CSMD1: variants seen among roughly 807,000 people sequenced by gnomAD.
The protein encoded by CSMD1 is CUB and sushi domain-containing protein 1.
In CSMD1, 213 loss-of-function variants were observed where a neutral mutation model predicts 417.5. That is an observed-to-expected ratio of 0.51 (90% CI 0.46 to 0.57). The LOEUF is 0.57. Ranked by LOEUF, CSMD1 falls within the 20% of genes least tolerant of loss-of-function variation. The pLI is 0.00. For missense variants in CSMD1, 6,923 were observed against 4,529.7 expected (o/e 1.53, Z -15.17); for synonymous variants, 2,862 against 1,736.8 (o/e 1.65, Z -16.11).
chr8:3,944,557 A>T (rs1811098498), intron 5 of CSMD1, among the ~76,000 whole-genome samples: 1 of 152,158 alleles, frequency 6.6e-6, no homozygotes, highest in Non-Finnish European at 1.5e-5. Context: ...AAGGAAATTT[A>T]AATTGTCTAC....
intron 21 of CSMD1, among the ~76,000 whole-genome samples, chr8:3,356,186 C>CT (rs1393228719): frequency 2.0e-5 from 3 of 152,172 alleles, no homozygotes; most frequent in Non-Finnish European, 4.4e-5. Flanking sequence ...GGATTTGCCT[C>CT]TTTTTTGCCA....
At chr8:3,377,855 T>C (rs996718740) in intron 18 of CSMD1, among the ~76,000 whole-genome samples, 1 of 152,194 alleles carries the variant, frequency 6.6e-6, no homozygotes, top group Non-Finnish European at 1.5e-5. Flanking sequence ...GTAAAATGTA[T>C]TAGTCTAAGA....
intron 5 of CSMD1, among the ~76,000 whole-genome samples, chr8:3,776,769 T>C (rs371048782): frequency 1.6e-5 from 2 of 127,696 alleles, no homozygotes; most frequent in East Asian, 2.4e-4. Flanking sequence ...GATACAGAGA[T>C]GATAGATGAG....
intron 49 of CSMD1, among the ~76,000 whole-genome samples, chr8:3,056,072 T>A (rs776033801): frequency 8.5e-5 from 13 of 152,240 alleles, no homozygotes; most frequent in Non-Finnish European, 1.6e-4. Context: ...CATACACACA[T>A]AAAATTTTTA....
chr8:4,670,909 A>C (rs1041805144), intron 1 of CSMD1, among the ~76,000 whole-genome samples: 4 of 152,324 alleles, frequency 2.6e-5, no homozygotes, highest in Non-Finnish European at 5.9e-5. Flanking sequence ...TTTTAGTGAC[A>C]AGGATAGCTT....
intron 5 of CSMD1, among the ~76,000 whole-genome samples, chr8:3,787,589 T>C (rs1041360461): frequency 6.6e-6 from 1 of 152,188 alleles, no homozygotes; most frequent in African/African-American, 2.4e-5. Flanking sequence ...TAATTAAAGA[T>C]GTAGTTGCTA....
At chr8:4,144,917 G>A (rs1219848058) in intron 3 of CSMD1, among the ~76,000 whole-genome samples, 2 of 151,070 alleles carry the variant, frequency 1.3e-5, no homozygotes, top group African/African-American at 2.5e-5. Flanking sequence ...CTATCAGTGA[G>A]TGGAGTGAAG....
intron 2 of CSMD1, among the ~76,000 whole-genome samples, chr8:4,520,284 C>T (rs972124740): frequency 3.3e-5 from 5 of 152,160 alleles, no homozygotes; most frequent in Non-Finnish European, 7.3e-5. Context: ...TAATACTCCC[C>T]AAACTTCAGT....
chr8:3,139,717 G>A (rs1024968989), intron 41 of CSMD1, among the ~76,000 whole-genome samples: 1 of 152,054 alleles, frequency 6.6e-6, no homozygotes, highest in Non-Finnish European at 1.5e-5. Flanking sequence ...ATGTGTGTGT[G>A]TCGATGTGTG....
intron 12 of CSMD1, 69 bp downstream of exon 12, chr8:3,468,643 A>G (rs949355423): frequency 1.5e-5 from 14 of 949,282 alleles, no homozygotes; most frequent in Non-Finnish European, 2.1e-5. Context: ...TACCTAACCA[A>G]CACAGAATGC....
chr8:4,696,616 A>G (rs1375910975), intron 1 of CSMD1, among the ~76,000 whole-genome samples: 2 of 152,222 alleles, frequency 1.3e-5, no homozygotes, highest in Admixed American at 1.3e-4. Context: ...TTTATTATCC[A>G]AACAACGTAT....
chr8:4,083,367 G>A (rs922518838), intron 3 of CSMD1, among the ~76,000 whole-genome samples: 1 of 152,170 alleles, frequency 6.6e-6, no homozygotes, highest in African/African-American at 2.4e-5. Flanking sequence ...GATGGCCAGT[G>A]ATGGTGAGCA....
At chr8:4,518,387 T>TA (rs1325603183) in intron 2 of CSMD1, among the ~76,000 whole-genome samples, 2 of 152,274 alleles carry the variant, frequency 1.3e-5, no homozygotes, top group East Asian at 3.9e-4. Context: ...GACTTCATAA[T>TA]AAAAAACTAT....
At chr8:3,674,778 A>C (rs965893917) in intron 7 of CSMD1, among the ~76,000 whole-genome samples, 1 of 152,194 alleles carries the variant, frequency 6.6e-6, no homozygotes, top group Non-Finnish European at 1.5e-5. Flanking sequence ...AAAGGTAACT[A>C]TAGTTTTCAA....
intron 3 of CSMD1, among the ~76,000 whole-genome samples, chr8:4,406,728 C>A (rs984515063): frequency 6.6e-6 from 1 of 152,066 alleles, no homozygotes; most frequent in African/African-American, 2.4e-5. Flanking sequence ...CCAAATGATA[C>A]CAGAGAATGT....
At chr8:4,612,982 C>A (rs1801266686) in intron 2 of CSMD1, among the ~76,000 whole-genome samples, 1 of 152,072 alleles carries the variant, frequency 6.6e-6, no homozygotes, top group Non-Finnish European at 1.5e-5. Flanking sequence ...ACAGTCCCTG[C>A]AAAACTGATC....
chr8:2,943,830 G>A (rs1039440191), intron 68 of CSMD1, among the ~76,000 whole-genome samples: 1 of 152,206 alleles, frequency 6.6e-6, no homozygotes, highest in Non-Finnish European at 1.5e-5. Flanking sequence ...GAATTGTTGA[G>A]AAGAAGCTCA....
intron 39 of CSMD1, among the ~76,000 whole-genome samples, chr8:3,152,347 A>C (rs1033332806): frequency 6.6e-6 from 1 of 152,218 alleles, no homozygotes; most frequent in Non-Finnish European, 1.5e-5. Context: ...CTATTAAAAT[A>C]ATTTCTTATA....
chr8:4,707,661 C>A (rs950760571), intron 1 of CSMD1, among the ~76,000 whole-genome samples: 21 of 151,748 alleles, frequency 1.4e-4, no homozygotes, highest in African/African-American at 4.8e-4. Flanking sequence ...CCGAGGCGGG[C>A]GGATCACCTG....
Sources: allele counts gnomAD v4.1 joint callset (sites outside exome capture counted in the v4.1 genomes callset), GRCh38; gene constraint gnomAD v4.1.1; transcripts MANE v1.5; gene names NCBI Gene and HGNC (gene_info 2026-07-23, HGNC 2026-07-21).